The following MEIOB variants were observed in gnomAD, a reference collection of about 807,000 sequenced individuals.
MEIOB encodes meiosis specific with OB-fold, also known as meiosis-specific with OB domain-containing protein.
Under a neutral mutation model 53.1 loss-of-function variants are expected in MEIOB, and 50 were observed. That is an observed-to-expected ratio of 0.94 (90% CI 0.75 to 1.19). MEIOB has a LOEUF of 1.19. Ranked by LOEUF, MEIOB falls within the 50% of genes most tolerant of loss-of-function variation. The probability of loss-of-function intolerance (pLI) is 0.00; values close to 1 mark genes in which losing one functional copy is unlikely to be tolerated. For missense variants in MEIOB, 551 were observed against 550.8 expected, an observed-to-expected ratio of 1.00 and a Z score of 0.00; for synonymous variants, 192 against 182.5, an observed-to-expected ratio of 1.05 and a Z score of -0.42.
At position 1,860,442 on chromosome 16, in the gene MEIOB, T is replaced by C; in HGVS notation, c.293A>G (p.Glu98Gly). Reference protein sequence around the residue: ...IIENPLIQRKEIEREEKFSPA... With the variant: ...IIENPLIQRKGIEREEKFSPA... Reference sequence around the variant, plus strand: ...GCTGAATTTTTCTTCTCTTTCTATTTCCTTTCTTTGGATCAGAGGATTTTC... The same window carrying C: ...GCTGAATTTTTCTTCTCTTTCTATTCCCTTTCTTTGGATCAGAGGATTTTC... Residue 98 changes from glutamate (E) to glycine (G), a missense_variant, in exon 5 of 14, where the codon GAA (glutamate) becomes GGA (glycine). Coordinates refer to ENST00000325962, the MANE Select transcript of MEIOB (RefSeq NM_001163560.3). 6.5e-7 allele frequency: 1 copy of C among 1,547,496 alleles called. No homozygotes were observed. The highest frequency in any genetic ancestry group is 8.7e-7 in the Non-Finnish European group (1 of 1,143,502).
intron 5 of MEIOB, among the ~76,000 whole-genome samples, chr16:1,858,786 T>C (rs1469819560): frequency 6.6e-6 from 1 of 152,164 alleles, no homozygotes; most frequent in Non-Finnish European, 1.5e-5. Flanking sequence ...TATTTCTAGA[T>C]GAAAAATAGT....
chr16:1,870,937 T>A (rs1040706033), intron 1 of MEIOB, among the ~76,000 whole-genome samples: 1 of 152,112 alleles, frequency 6.6e-6, no homozygotes. Context: ...GAATATTCTG[T>A]ACAAACACAA....
intron 10 of MEIOB, among the ~76,000 whole-genome samples, chr16:1,844,357 C>A (rs1394585944): frequency 7.9e-5 from 12 of 152,048 alleles, no homozygotes; most frequent in Admixed American, 7.9e-4. Flanking sequence ...CTCCTGACCT[C>A]AAGTGATCCC....
rs776457447 is a variant in MEIOB at position 1,857,764 on chromosome 16, T to C, written c.499A>G (p.Ile167Val). 3.3e-5 allele frequency: 51 copies of C among 1,551,370 alleles called. No homozygotes were observed. The highest frequency in any genetic ancestry group is 4.4e-5 in the Non-Finnish European group (50 of 1,146,918). The change falls in exon 6 of 14, where the codon ATT (isoleucine) becomes GTT (valine). Residue 167 changes from isoleucine (I) to valine (V), a missense_variant. Physicochemically the swap from Ile to Val is conservative, Grantham distance 29. Transcript: ENST00000325962. ...TTCACAGCTGCAAGCACGTTAATAATCCTCCCATTAAGACTGTGTCCATTT... is the reference window on the plus strand; with the variant it reads ...TTCACAGCTGCAAGCACGTTAATAACCCTCCCATTAAGACTGTGTCCATTT... ...VANGHSLNGRIINVLAAVKSV... is the reference protein window; with the variant it reads ...VANGHSLNGRVINVLAAVKSV...
intron 10 of MEIOB, among the ~76,000 whole-genome samples, chr16:1,842,330 C>G (rs138152726): frequency 1.3e-5 from 2 of 151,756 alleles, no homozygotes; most frequent in East Asian, 3.9e-4. Context: ...AAGACAGTGA[C>G]TCAGCTGGGC....
intron 7 of MEIOB, 132 bp downstream of exon 7, chr16:1,853,968 T>G (rs1567277557): frequency 1.5e-6 from 1 of 658,588 alleles, no homozygotes; most frequent in Non-Finnish European, 2.7e-6. Flanking sequence ...GTGAGATTTA[T>G]TTTTTAAAAT....
Position 1,857,741 on chromosome 16 carries a change from C to T in MEIOB, c.522G>A (p.Val174=). 1 of 1,550,966 alleles carries T rather than the reference C, an allele frequency of 6.4e-7. No individual in the cohort carries two copies. The highest frequency in any genetic ancestry group is 8.7e-7 in the Non-Finnish European group (1 of 1,146,728). Reference sequence around the variant, plus strand: ...TGTCGGGGTTTTAACTTACCGATTTCACAGCTGCAAGCACGTTAATAATCC... The same window carrying T: ...TGTCGGGGTTTTAACTTACCGATTTTACAGCTGCAAGCACGTTAATAATCC... ...NGRIINVLAA[V]KSVGEPKYFT... The change falls in exon 6 of 14, where the codon GTG becomes GTA. Residue 174 remains valine (V), a synonymous_variant. Coordinates refer to ENST00000325962, the MANE Select transcript of MEIOB (RefSeq NM_001163560.3).
At chr16:1,835,392 AAT>A (rs1209806019) in intron 13 of MEIOB, among the ~76,000 whole-genome samples, 1 of 152,190 alleles carries the variant, frequency 6.6e-6, no homozygotes, top group Non-Finnish European at 1.5e-5. Context: ...ATAATTTAAT[AAT>A]AGTCTTATTT....
At chr16:1,838,333 G>A (rs1323642874) in intron 12 of MEIOB, among the ~76,000 whole-genome samples, 9 of 152,164 alleles carry the variant, frequency 5.9e-5, no homozygotes, top group Admixed American at 5.9e-4. Context: ...GATAAGGCAG[G>A]AAAGGCTATA....
rs549554978 is a variant in MEIOB at position 1,852,399 on chromosome 16, A to T, written c.778+640T>A. On this transcript the variant is annotated intron_variant, in intron 9 of 13. Transcript: ENST00000325962. ...TGCCTTAGCTTCCCGAGTAGCTGGT[A>T]CTACAGGCGCACACTTTTACGCTCG... 6.6e-5 allele frequency among the ~76,000 whole-genome samples: 10 copies of T among 151,310 alleles called. No homozygotes were observed. The South Asian group carries it at 1.9e-3, about 28-fold the overall frequency.
Position 1,869,957 on chromosome 16 carries a change from T to C in MEIOB, c.-9-1773A>G, listed in dbSNP as rs184920515. 6.3e-3 allele frequency among the ~76,000 whole-genome samples: 924 copies of C among 147,820 alleles called. 7 individuals carry two copies. Among genetic ancestry groups the C allele is most frequent in the African/African-American group, 0.022 (875 of 40,014 alleles). ...CACGATCTCAGCTCACTGCAACCTCTACCTCCCAGGTTCAAGCGATTCTCC... is the reference window on the plus strand; with the variant it reads ...CACGATCTCAGCTCACTGCAACCTCCACCTCCCAGGTTCAAGCGATTCTCC... On this transcript the variant is annotated intron_variant, in intron 1 of 13. Transcript: ENST00000325962.
At position 1,844,890 on chromosome 16, in the gene MEIOB, A is replaced by G. The variant is rs1184698465; in HGVS notation, c.852T>C (p.Ile284=). Residue 284 remains isoleucine (I), a synonymous_variant, in exon 10 of 14, where the codon ATT becomes ATC. Coordinates refer to ENST00000325962, the MANE Select transcript of MEIOB (RefSeq NM_001163560.3). ...TTATGGATTCTTTGAAATAACTGTC[A>G]ATTTCATCATCCAGAACATTCGTTT... ...NKETNVLDDE[I]DSYFKESINL... The G allele has an allele frequency of 2.6e-6, 4 of 1,557,750 alleles. No individual in the cohort carries two copies. Among genetic ancestry groups the G allele is most frequent in the Non-Finnish European group, 3.5e-6 (4 of 1,135,848 alleles).
At chr16:1,865,913 T>C (rs1215115386) in intron 2 of MEIOB, 78 bp from the exon 3 acceptor site, 5 of 942,912 alleles carry the variant, frequency 5.3e-6, no homozygotes, top group Admixed American at 2.8e-5. Flanking sequence ...GGGCTTGTTA[T>C]ACTTTACTGG....
intron 10 of MEIOB, 62 bp from the exon 11 acceptor site, chr16:1,842,035 C>T: frequency 8.5e-7 from 1 of 1,173,232 alleles, no homozygotes; most frequent in Non-Finnish European, 1.1e-6. Context: ...AAGGTTACAT[C>T]CGAATGGAAA....
chr16:1,852,387 C>T (rs536104299), intron 9 of MEIOB, among the ~76,000 whole-genome samples: 3 of 150,796 alleles, frequency 2.0e-5, no homozygotes, highest in African/African-American at 4.9e-5. Flanking sequence ...CTTAGCTTCC[C>T]GAGTAGCTGG....
At chr16:1,860,222 T>A (rs546964418) in intron 5 of MEIOB, among the ~76,000 whole-genome samples, 181 bp downstream of exon 5, 7 of 152,384 alleles carry the variant, frequency 4.6e-5, no homozygotes, top group African/African-American at 1.7e-4. Context: ...CCATTTATCA[T>A]GTGACTCTGT....
intron 3 of MEIOB, among the ~76,000 whole-genome samples, chr16:1,863,168 T>C (rs1477438104): frequency 3.3e-5 from 5 of 151,616 alleles, no homozygotes; most frequent in Non-Finnish European, 5.9e-5. Flanking sequence ...GCGGTGAGCT[T>C]TGAATGCACC....
intron 12 of MEIOB, among the ~76,000 whole-genome samples, chr16:1,838,478 TTGCCAAATGCAC>T (rs991051952): frequency 1.3e-5 from 2 of 152,200 alleles, no homozygotes; most frequent in African/African-American, 4.8e-5. Context: ...CAGGTGCCTA[TTGCCAAATGCAC>T]ATGCTAATCC....
chr16:1,861,961 G>C lies in MEIOB; in HGVS notation c.259+24C>G, dbSNP rs751276787. ...CAGGAATAACACTATGATGGAAAAAGTTTAAGAATCAATGCCAACTTACCA... is the reference window on the plus strand; with the variant it reads ...CAGGAATAACACTATGATGGAAAAACTTTAAGAATCAATGCCAACTTACCA... On this transcript the variant is annotated intron_variant, in intron 4 of 13. Transcript: ENST00000325962. 53 of 1,546,626 alleles carry C rather than the reference G, an allele frequency of 3.4e-5. 1 individual carries two copies. The South Asian group carries it at 6.4e-4, about 19-fold the overall frequency.
Sources: gnomAD v4.1 joint callset for allele counts (sites outside exome capture counted in the v4.1 genomes callset) on GRCh38, gnomAD v4.1.1 for gene constraint, MANE v1.5 for transcripts, NCBI Gene and HGNC (gene_info 2026-07-23, HGNC 2026-07-21) for gene names.